GRIN2A: variants seen among roughly 807,000 people sequenced by gnomAD.
The protein encoded by GRIN2A is glutamate receptor ionotropic, NMDA 2A.
A neutral mutation model predicts 113.4 loss-of-function variants in GRIN2A; 22 were observed. The observed-to-expected ratio is 0.19, with a 90% CI of 0.14 to 0.28. The LOEUF is 0.28. Among genes scored for constraint, GRIN2A ranks in the 10% least tolerant of loss-of-function variants. The pLI is 1.00. For missense variants in GRIN2A, 1,502 were observed against 1,887.0 expected, an observed-to-expected ratio of 0.80 and a Z score of 3.78; for synonymous variants, 827 against 738.4, an observed-to-expected ratio of 1.12 and a Z score of -1.94.
intron 11 of GRIN2A, among the ~76,000 whole-genome samples, chr16:9,788,380 C>A (rs773092413): frequency 6.6e-6 from 1 of 151,996 alleles, no homozygotes; most frequent in Admixed American, 6.6e-5. Context: ...GCCTCAGCCT[C>A]CAGAGTAGCT....
At chr16:10,063,151 C>G (rs1453103605) in intron 2 of GRIN2A, among the ~76,000 whole-genome samples, 2 of 152,112 alleles carry the variant, frequency 1.3e-5, no homozygotes, top group Non-Finnish European at 1.5e-5. Flanking sequence ...CATGTTCTCA[C>G]TTATAAGTGA....
At position 10,044,022 on chromosome 16, in the gene GRIN2A, T is replaced by TATAGAGAGAGAGAGAG. The variant is rs531659457; in HGVS notation, c.415-105472_415-105471insCTCTCTCTCTCTCTAT. Among the ~76,000 whole-genome samples, 7 of 108,012 alleles carry TATAGAGAGAGAGAGAG rather than the reference T, an allele frequency of 6.5e-5. No homozygotes were observed. The South Asian group carries it at 1.6e-3, about 25-fold the overall frequency. 70.9% of individuals were successfully genotyped at this position (108,012 alleles called of 152,430 possible). On this transcript the variant is annotated intron_variant, in intron 2 of 12. Transcript: ENST00000330684. Reference sequence around the variant, plus strand: ...GTGTGTGTGTGTATATATATATATATAGAGAGAGAGAGAGAGAGAGAGAGA... The same window carrying TATAGAGAGAGAGAGAG: ...GTGTGTGTGTGTATATATATATATATATAGAGAGAGAGAGAGAGAGAGAGAGAGAGAGAGAGAGAGA...
In GRIN2A at chr16:9,768,284, C is replaced by T. The variant is rs28489500; in HGVS notation, c.2595+567G>A. On this transcript the variant is annotated intron_variant, in intron 12 of 12. Transcript: ENST00000330684. ...AGCCAGGATGGTCTCGATCTCCTGA[C>T]CTCGTGATCCGCCCGCCTGGGCCTC... Among the ~76,000 whole-genome samples the T allele has an allele frequency of 3.4e-4, 51 of 152,132 alleles. 1 individual carries two copies. Among genetic ancestry groups the T allele is most frequent in the Non-Finnish European group, 1.6e-4 (11 of 68,032 alleles).
intron 2 of GRIN2A, among the ~76,000 whole-genome samples, chr16:10,017,347 G>T (rs1048338157): frequency 6.6e-6 from 1 of 152,062 alleles, no homozygotes; most frequent in African/African-American, 2.4e-5. Context: ...GATGAGTCTT[G>T]GTGGGGCGGC....
chr16:10,076,968 A>T (rs761953278), intron 2 of GRIN2A, among the ~76,000 whole-genome samples: 7 of 152,312 alleles, frequency 4.6e-5, no homozygotes, highest in Non-Finnish European at 7.3e-5. Context: ...TTTATCCTGG[A>T]TGACCTGCGT....
intron 2 of GRIN2A, among the ~76,000 whole-genome samples, chr16:10,044,655 T>C (rs2047228043): frequency 6.7e-6 from 1 of 149,874 alleles, no homozygotes; most frequent in Non-Finnish European, 1.5e-5. Flanking sequence ...TGGTTCATAC[T>C]AGATGCTCAA....
intron 11 of GRIN2A, among the ~76,000 whole-genome samples, chr16:9,797,189 G>C (rs145534651): frequency 6.6e-6 from 1 of 152,206 alleles, no homozygotes; most frequent in Admixed American, 6.5e-5. Flanking sequence ...GGCATAACAC[G>C]TTCTGTAATC....
intron 2 of GRIN2A, among the ~76,000 whole-genome samples, chr16:9,940,709 A>G (rs1463600049): frequency 6.6e-6 from 1 of 152,230 alleles, no homozygotes; most frequent in Non-Finnish European, 1.5e-5. Flanking sequence ...AAAACAAAAC[A>G]AAACAAAACC....
intron 2 of GRIN2A, among the ~76,000 whole-genome samples, chr16:10,043,904 C>CAT (rs1272832640): frequency 2.0e-5 from 3 of 151,114 alleles, no homozygotes; most frequent in Non-Finnish European, 4.4e-5. Flanking sequence ...TATATACACA[C>CAT]ATATATATAC....
intron 2 of GRIN2A, among the ~76,000 whole-genome samples, chr16:9,986,148 C>T (rs1035222706): frequency 6.6e-6 from 1 of 151,868 alleles, no homozygotes; most frequent in South Asian, 2.1e-4. Flanking sequence ...CAGCATTGTT[C>T]CTTCTGGCTG....
intron 5 of GRIN2A, 116 bp downstream of exon 5, chr16:9,849,640 A>G: frequency 1.2e-6 from 1 of 833,832 alleles, no homozygotes; most frequent in Admixed American, 1.8e-5. Flanking sequence ...ACCTACTATA[A>G]CGACGTGTAT....
At chr16:10,130,708 A>ACT in intron 2 of GRIN2A, among the ~76,000 whole-genome samples, 1 of 151,392 alleles carries the variant, frequency 6.6e-6, no homozygotes, top group East Asian at 1.9e-4. Context: ...AACCCAGGGG[A>ACT]CTCTCTCTCT....
chr16:10,157,844 C>A (rs1596562518), intron 2 of GRIN2A, among the ~76,000 whole-genome samples: 1 of 152,046 alleles, frequency 6.6e-6, no homozygotes, highest in Admixed American at 6.6e-5. Context: ...TTTAATATTA[C>A]TACTGTAATC....
chr16:9,965,150 A>C (rs1875206), intron 2 of GRIN2A, among the ~76,000 whole-genome samples: 3 of 152,124 alleles, frequency 2.0e-5, no homozygotes, highest in African/African-American at 7.2e-5. Flanking sequence ...ATAAAGTAAG[A>C]CTTCTTCACT....
At chr16:10,024,717 T>C (rs1166836784) in intron 2 of GRIN2A, among the ~76,000 whole-genome samples, 1 of 152,094 alleles carries the variant, frequency 6.6e-6, no homozygotes, top group Non-Finnish European at 1.5e-5. Context: ...CTAAACAACA[T>C]AGAGAAAGCC....
intron 12 of GRIN2A, among the ~76,000 whole-genome samples, chr16:9,766,581 G>A (rs1900935597): frequency 6.6e-6 from 1 of 152,056 alleles, no homozygotes; most frequent in Admixed American, 6.5e-5. Flanking sequence ...TGTGTGGTTG[G>A]CTGTTTGTCC....
chr16:9,850,008 A>C, intron 4 of GRIN2A, 47 bp from the exon 5 acceptor site: 1 of 1,518,154 alleles, frequency 6.6e-7, no homozygotes, highest in Non-Finnish European at 9.1e-7. Flanking sequence ...TCCGCCGCTG[A>C]TTTCTGGAGA....
At chr16:10,030,912 C>T (rs2046916373) in intron 2 of GRIN2A, among the ~76,000 whole-genome samples, 2 of 152,140 alleles carry the variant, frequency 1.3e-5, no homozygotes, top group African/African-American at 2.4e-5. Flanking sequence ...TTATTTGTTG[C>T]CCTAAAAAAG....
chr16:9,884,183 A>T (rs1289734554), intron 4 of GRIN2A, among the ~76,000 whole-genome samples: 1 of 152,220 alleles, frequency 6.6e-6, no homozygotes, highest in Non-Finnish European at 1.5e-5. Context: ...TTGTTAACTT[A>T]AACAAATTTT....
Sources: allele counts gnomAD v4.1 joint callset (sites outside exome capture counted in the v4.1 genomes callset), GRCh38; gene constraint gnomAD v4.1.1; transcripts MANE v1.5; gene names NCBI Gene and HGNC (gene_info 2026-07-23, HGNC 2026-07-21).